PTPRO: variants seen among roughly 807,000 people sequenced by gnomAD.
PTPRO encodes protein tyrosine phosphatase receptor type O, also known as receptor-type tyrosine-protein phosphatase O.
Under a neutral mutation model 145.2 loss-of-function variants are expected in PTPRO, and 62 were observed. That is an observed-to-expected ratio of 0.43 (90% CI 0.35 to 0.53). PTPRO has a LOEUF of 0.53. PTPRO is among the 20% of genes least tolerant of loss of function. The probability of loss-of-function intolerance (pLI) is 0.01; values close to 1 mark genes in which losing one functional copy is unlikely to be tolerated. For synonymous variants in PTPRO, 565 were observed against 514.7 expected (o/e 1.10, Z -1.32); for missense variants, 1,345 against 1,482.7 (o/e 0.91, Z 1.53).
intron 25 of PTPRO, among the ~76,000 whole-genome samples, chr12:15,592,120 C>A (rs1480145625): frequency 6.6e-6 from 1 of 151,988 alleles, no homozygotes; most frequent in East Asian, 1.9e-4. Flanking sequence ...ACATCTTCTT[C>A]ATTTACCTTT....
intron 1 of PTPRO, among the ~76,000 whole-genome samples, chr12:15,365,801 G>A (rs1938342529): frequency 1.3e-5 from 2 of 152,074 alleles, no homozygotes; most frequent in Non-Finnish European, 2.9e-5. Context: ...TCTAAAGATG[G>A]GTCAGTGAAC....
At chr12:15,578,015 G>A (rs1944224480) in intron 19 of PTPRO, among the ~76,000 whole-genome samples, 1 of 152,152 alleles carries the variant, frequency 6.6e-6, no homozygotes, top group African/African-American at 2.4e-5. Context: ...GTTTATAAGA[G>A]TACCAATATA....
intron 10 of PTPRO, among the ~76,000 whole-genome samples, chr12:15,521,540 G>A (rs1041505060): frequency 9.2e-5 from 14 of 152,080 alleles, no homozygotes; most frequent in African/African-American, 3.4e-4. Context: ...CTTCTCACCA[G>A]GACAGTTGTC....
chr12:15,415,819 C>T (rs1321142045), intron 1 of PTPRO, among the ~76,000 whole-genome samples: 2 of 151,724 alleles, frequency 1.3e-5, no homozygotes, highest in African/African-American at 4.9e-5. Flanking sequence ...TAATGACAAC[C>T]AGCCTGAACT....
intron 1 of PTPRO, among the ~76,000 whole-genome samples, chr12:15,336,622 TA>T (rs893297127): frequency 1.3e-4 from 20 of 151,422 alleles, no homozygotes; most frequent in African/African-American, 3.6e-4. Flanking sequence ...GCATGCTGGT[TA>T]AAAAAAAAGA....
At chr12:15,510,977 G>A (rs1009316803) in intron 7 of PTPRO, among the ~76,000 whole-genome samples, 6 of 126,272 alleles carry the variant, frequency 4.8e-5, no homozygotes, top group South Asian at 2.6e-4. Flanking sequence ...GACCAGCCTG[G>A]GTAACATAGT....
intron 1 of PTPRO, among the ~76,000 whole-genome samples, chr12:15,390,330 A>G (rs1171033675): frequency 6.6e-6 from 1 of 152,172 alleles, no homozygotes; most frequent in East Asian, 1.9e-4. Context: ...AGGAAAAAGA[A>G]ATTTAATAAA....
intron 1 of PTPRO, among the ~76,000 whole-genome samples, chr12:15,398,659 C>T (rs962794690): frequency 1.3e-5 from 2 of 151,826 alleles, no homozygotes; most frequent in African/African-American, 4.8e-5. Context: ...TCGGTTTCAA[C>T]ACCATATGAA....
intron 1 of PTPRO, among the ~76,000 whole-genome samples, chr12:15,362,085 C>A (rs1466225246): frequency 6.6e-6 from 1 of 152,198 alleles, no homozygotes; most frequent in Admixed American, 6.5e-5. Flanking sequence ...TCATATCAAA[C>A]TCCTCCGGTA....
At chr12:15,494,133 A>T (rs1364782847) in intron 2 of PTPRO, among the ~76,000 whole-genome samples, 1 of 152,232 alleles carries the variant, frequency 6.6e-6, no homozygotes, top group Admixed American at 6.5e-5. Flanking sequence ...ACTTCTGGTC[A>T]TGGTGGGAAA....
chr12:15,454,366 G>GA (rs1364338680), intron 1 of PTPRO, among the ~76,000 whole-genome samples: 4 of 151,950 alleles, frequency 2.6e-5, no homozygotes, highest in East Asian at 1.9e-4. Context: ...GTCTTCTTTA[G>GA]AAAAAAATGT....
At chr12:15,565,557 C>T (rs763983727) in intron 17 of PTPRO, 36 bp from the exon 18 acceptor site, 9 of 1,333,170 alleles carry the variant, frequency 6.8e-6, no homozygotes, top group Admixed American at 1.7e-5. Context: ...AATTCTTCTG[C>T]CCAGATAAAT....
In PTPRO at chr12:15,457,616, T is replaced by G. The variant is rs1324947947; in HGVS notation, c.76-26358T>G. On this transcript the variant is annotated intron_variant, in intron 1 of 26. Transcript: ENST00000281171. ...AATTTTTTATATTGATATTTTATAT[T>G]GAAATTTTATATTGATATTTTATGT... Among the ~76,000 whole-genome samples, 3 of 152,198 alleles carry G rather than the reference T, an allele frequency of 2.0e-5. No individual in the cohort carries two copies. The South Asian group carries it at 6.2e-4, about 32-fold the overall frequency.
chr12:15,353,266 C>A (rs1937871489), intron 1 of PTPRO, among the ~76,000 whole-genome samples: 1 of 151,940 alleles, frequency 6.6e-6, no homozygotes, highest in Non-Finnish European at 1.5e-5. Context: ...AGTTCAAGGA[C>A]AAATGGAATT....
intron 1 of PTPRO, among the ~76,000 whole-genome samples, chr12:15,397,362 A>G (rs1372643897): frequency 6.6e-6 from 1 of 152,224 alleles, no homozygotes; most frequent in Non-Finnish European, 1.5e-5. Context: ...AAAGATTAAT[A>G]TCATTAACTC....
At position 15,497,264 on chromosome 12, in the gene PTPRO, T is replaced by C. The variant is rs1942126212; in HGVS notation, c.369T>C (p.Ser123=). ...TVLTKPLPVT[S]VSIYDYKPSP... ...CTGTAGAACCTCTACCTGTAACCAG[T>C]GTTTCCATATATGACTATAAACCTT... is the stretch of plus-strand genomic sequence containing the variant. The change falls in exon 3 of 27, where the codon AGT becomes AGC. Residue 123 remains serine (S), a synonymous_variant. Coordinates refer to ENST00000281171, the MANE Select transcript of PTPRO (RefSeq NM_030667.3). 8 of 1,575,912 alleles carry C rather than the reference T, an allele frequency of 5.1e-6. No individual in the cohort carries two copies. The East Asian group carries it at 1.8e-4, about 35-fold the overall frequency.
chr12:15,446,729 G>A (rs1940912074), intron 1 of PTPRO, among the ~76,000 whole-genome samples: 1 of 150,728 alleles, frequency 6.6e-6, no homozygotes, highest in Admixed American at 6.6e-5. Flanking sequence ...TTTTTTCTTA[G>A]GGTAAATAAA....
At chr12:15,512,303 C>T (rs1339423058) in intron 7 of PTPRO, among the ~76,000 whole-genome samples, 2 of 152,028 alleles carry the variant, frequency 1.3e-5, no homozygotes, top group East Asian at 3.9e-4. Flanking sequence ...TTAGTAGAGA[C>T]GGGTTTTCAT....
intron 2 of PTPRO, among the ~76,000 whole-genome samples, 182 bp from the exon 3 acceptor site, chr12:15,497,063 G>A (rs1198452493): frequency 6.6e-6 from 1 of 152,212 alleles, no homozygotes; most frequent in Admixed American, 6.5e-5. Flanking sequence ...CATATAAAAT[G>A]TACTTTATTA....
Sources: allele counts gnomAD v4.1 joint callset (sites outside exome capture counted in the v4.1 genomes callset), GRCh38; gene constraint gnomAD v4.1.1; transcripts MANE v1.5; gene names NCBI Gene and HGNC (gene_info 2026-07-23, HGNC 2026-07-21).